The following PLEKHG1 variants were observed in gnomAD, a reference collection of about 807,000 sequenced individuals.
PLEKHG1 encodes the protein pleckstrin homology domain-containing family G member 1.
In PLEKHG1, 44 loss-of-function variants were observed where a neutral mutation model predicts 100.8. The observed-to-expected ratio is 0.44, with a 90% CI of 0.34 to 0.56. The LOEUF (loss-of-function observed/expected upper bound fraction) is 0.56, where lower values mean the gene tolerates loss of function less well. Ranked by LOEUF, PLEKHG1 falls within the 20% of genes least tolerant of loss-of-function variation. The pLI, the probability that PLEKHG1 is intolerant of heterozygous loss-of-function variation, is 0.01. For missense variants in PLEKHG1, 1,545 were observed against 1,720.9 expected (o/e 0.90, Z 1.81); for synonymous variants, 640 against 662.5 (o/e 0.97, Z 0.52).
Position 150,754,563 on chromosome 6 carries a change from CA to C in PLEKHG1, c.412-14069del, listed in dbSNP as rs917053987. 2.0e-5 allele frequency among the ~76,000 whole-genome samples: 3 copies of C among 151,212 alleles called. No homozygotes were observed. The East Asian group carries it at 5.8e-4, about 29-fold the overall frequency. On this transcript the variant is annotated intron_variant, in intron 2 of 15. Transcript: ENST00000358517. ...GATGAGAGAGAGGACAAGTCAGTTT[CA>C]AAAAAGATATAGGTGGGAGAGGAGA...
chr6:150,628,975 T>C (rs1341198782), intron 1 of PLEKHG1, among the ~76,000 whole-genome samples: 1 of 152,088 alleles, frequency 6.6e-6, no homozygotes, highest in Non-Finnish European at 1.5e-5. Context: ...GGGGACCTGA[T>C]GAGAGAGAAG....
chr6:150,687,640 A>G (rs1780184653), intron 3 of PLEKHG1, among the ~76,000 whole-genome samples: 1 of 152,174 alleles, frequency 6.6e-6, no homozygotes, highest in Non-Finnish European at 1.5e-5. Flanking sequence ...GGTCTTGCCG[A>G]CGATGGACCC....
chr6:150,677,302 ACGCGCGCGCG>A (rs377732298), intron 3 of PLEKHG1, among the ~76,000 whole-genome samples: 23 of 144,396 alleles, frequency 1.6e-4, no homozygotes, highest in African/African-American at 5.0e-4. Flanking sequence ...ACACACACAC[ACGCGCGCGCG>A]CACACACACC....
Position 150,632,805 on chromosome 6 carries a change from C to T in PLEKHG1, c.-203-5275C>T, listed in dbSNP as rs564777963. On this transcript the variant is annotated intron_variant, in intron 1 of 3. Transcript: ENST00000367326. ...AAGAATACTTTATAAGACCTTCTGC[C>T]GTGAAATGATACATGTCACTAATCG... The T allele has an allele frequency of 5.3e-5, 8 of 152,274 alleles. No individual in the cohort carries two copies. The East Asian group carries it at 1.4e-3, about 26-fold the overall frequency. The allele number at this position is 152,274 out of a possible 1,614,324, so 9.4% of individuals were successfully genotyped here.
intron 1 of PLEKHG1, among the ~76,000 whole-genome samples, chr6:150,612,258 G>T (rs1344844801): frequency 6.6e-6 from 1 of 152,206 alleles, no homozygotes; most frequent in Non-Finnish European, 1.5e-5. Context: ...CGAAGCCAGT[G>T]TTGATTGATA....
intron 6 of PLEKHG1, among the ~76,000 whole-genome samples, chr6:150,801,639 C>T (rs1225442485): frequency 6.6e-6 from 1 of 151,764 alleles, no homozygotes; most frequent in African/African-American, 2.4e-5. Flanking sequence ...AGAGTTTCAC[C>T]ATGTTGCCCA....
At chr6:150,756,765 G>A (rs979910406) in intron 2 of PLEKHG1, among the ~76,000 whole-genome samples, 3 of 152,114 alleles carry the variant, frequency 2.0e-5, no homozygotes, top group Non-Finnish European at 4.4e-5. Context: ...AAGTCATTTA[G>A]CACAAATAAG....
chr6:150,610,701 C>G (rs1023906408), intron 1 of PLEKHG1, among the ~76,000 whole-genome samples: 1 of 152,190 alleles, frequency 6.6e-6, no homozygotes, highest in African/African-American at 2.4e-5. Context: ...TGGGTTAACT[C>G]TTTAAAAAGG....
chr6:150,823,334 G>T (rs951443336), intron 13 of PLEKHG1, among the ~76,000 whole-genome samples: 1 of 152,206 alleles, frequency 6.6e-6, no homozygotes, highest in Non-Finnish European at 1.5e-5. Flanking sequence ...CATGGGGCAT[G>T]TGCAATTTCT....
At chr6:150,635,220 T>C (rs1469106258) in intron 1 of PLEKHG1, among the ~76,000 whole-genome samples, 1 of 152,242 alleles carries the variant, frequency 6.6e-6, no homozygotes, top group East Asian at 1.9e-4. Flanking sequence ...ATTGCAGCTT[T>C]CACAGACTTT....
Position 150,839,917 on chromosome 6 carries a change from C to T in PLEKHG1, c.3179C>T (p.Ala1060Val), listed in dbSNP as rs146130174. Residue 1060 changes from alanine (A) to valine (V), a missense_variant, in exon 16 of 16, where the codon GCC (alanine) becomes GTC (valine). Ala to Val is a moderately conservative substitution (Grantham distance 64). Coordinates refer to ENST00000358517, the Ensembl canonical transcript of PLEKHG1. ...TTGAAAATTCAGAAGGATGGCTGGG[C>T]CAGCCCTCAAGAATCCTCCCTCCTG... 3.1e-5 allele frequency: 50 copies of T among 1,613,544 alleles called. No individual in the cohort carries two copies. In the African/African-American group the frequency reaches 4.1e-4, roughly 13 times the overall value.
intron 3 of PLEKHG1, among the ~76,000 whole-genome samples, chr6:150,707,212 C>T (rs1182191687): frequency 2.6e-5 from 4 of 151,672 alleles, no homozygotes; most frequent in African/African-American, 9.7e-5. Context: ...CCATGTTGGC[C>T]AGGCTGGTCT....
intron 3 of PLEKHG1, among the ~76,000 whole-genome samples, chr6:150,714,275 T>C (rs1781344032): frequency 6.6e-6 from 1 of 152,200 alleles, no homozygotes; most frequent in Non-Finnish European, 1.5e-5. Flanking sequence ...CTAAAAATTG[T>C]TCAAAAATAA....
chr6:150,666,734 A>T (rs1290029735), intron 3 of PLEKHG1, among the ~76,000 whole-genome samples: 1 of 151,634 alleles, frequency 6.6e-6, no homozygotes, highest in Non-Finnish European at 1.5e-5. Flanking sequence ...AGCTTCATAC[A>T]GTTGCCATCA....
intron 3 of PLEKHG1, among the ~76,000 whole-genome samples, chr6:150,669,593 CTTTTT>C (rs1214928577): frequency 7.8e-6 from 1 of 127,606 alleles, no homozygotes; most frequent in African/African-American, 2.9e-5. Flanking sequence ...AAGAATTATT[CTTTTT>C]TTTTTTTTTT....
intron 13 of PLEKHG1, among the ~76,000 whole-genome samples, chr6:150,822,150 CAAAAAAAAAA>C (rs58672381): frequency 0.054 from 1,981 of 36,854 alleles, 42 homozygotes; most frequent in African/African-American, 0.17. Context: ...CCAAAGGACT[CAAAAAAAAAA>C]AAAAAAAAAA....
Position 150,809,619 on chromosome 6 carries a change from G to T in PLEKHG1, c.1192-29G>T, listed in dbSNP as rs74554656. On this transcript the variant is annotated intron_variant, in intron 9 of 15. Coordinates refer to ENST00000358517, the Ensembl canonical transcript of PLEKHG1. ...GTCCTGTGGGTGGTGGAATCAAGTTGTCTGACTGTCTACATCTCGTCTTGG... is the reference window on the plus strand; with the variant it reads ...GTCCTGTGGGTGGTGGAATCAAGTTTTCTGACTGTCTACATCTCGTCTTGG... The T allele has an allele frequency of 1.6e-3, 2,566 of 1,599,046 alleles. 39 individuals carry two copies. The African/African-American group carries it at 0.031, about 19-fold the overall frequency.
At chr6:150,601,128 T>G (rs1230200490) in intron 1 of PLEKHG1, among the ~76,000 whole-genome samples, 1 of 152,156 alleles carries the variant, frequency 6.6e-6, no homozygotes, top group Non-Finnish European at 1.5e-5. Context: ...AGGGTCCAGT[T>G]TGTCATCTAA....
At chr6:150,686,141 T>C (rs1443863894) in intron 3 of PLEKHG1, among the ~76,000 whole-genome samples, 1 of 152,208 alleles carries the variant, frequency 6.6e-6, no homozygotes, top group African/African-American at 2.4e-5. Context: ...TGAGCTCAGC[T>C]CAGGCACCAG....
Sources: gnomAD v4.1 joint callset for allele counts (sites outside exome capture counted in the v4.1 genomes callset) on GRCh38, gnomAD v4.1.1 for gene constraint, MANE v1.5 for transcripts, NCBI Gene and HGNC (gene_info 2026-07-23, HGNC 2026-07-21) for gene names.